The following TLE6 variants were observed in gnomAD, a reference collection of about 807,000 sequenced individuals.
The protein encoded by TLE6 is transducin-like enhancer protein 6.
TLE6 carries 72 observed loss-of-function variants against 77.1 expected under a neutral mutation model. That is an observed-to-expected ratio of 0.93 (90% CI 0.77 to 1.14). The LOEUF is 1.14. Ranked by LOEUF, TLE6 falls within the 50% of genes most tolerant of loss-of-function variation. The pLI is 0.00. For missense variants in TLE6, 843 were observed against 747.6 expected (o/e 1.13, Z -1.49); for synonymous variants, 366 against 287.3 (o/e 1.27, Z -2.77).
rs1233284629 is a variant in TLE6 at position 2,985,575 on chromosome 19, A to ATT, written c.223-1238_223-1237dup. Among the ~76,000 whole-genome samples the ATT allele has an allele frequency of 2.8e-3, 347 of 125,346 alleles. 4 individuals are homozygous for ATT. The highest frequency in any genetic ancestry group is 8.6e-3 in the African/African-American group (297 of 34,416). 82.2% of individuals were successfully genotyped at this position (125,346 alleles called of 152,430 possible). ...AGGCACCTGCCACCATGCCTGGCTA[A>ATT]TTTTTTTTTTTTTTTTTGTATTTTT... On this transcript the variant is annotated intron_variant, in intron 5 of 16. Transcript: ENST00000246112.
chr19:2,993,470 G>A lies in TLE6; in HGVS notation c.1425G>A (p.Val475=), dbSNP rs1199361535. Residue 475 remains valine (V), a synonymous_variant, in exon 15 of 17, where the codon GTG becomes GTA. Coordinates refer to ENST00000246112, the MANE Select transcript of TLE6 (RefSeq NM_001143986.2). The stretch of plus-strand genomic sequence containing the variant: ...CCCACAGCCCCCAGGAGGACTGGGT[G>A]CTGCTGGGCATGGCCAATGGCCAGC... ...SLSHSPQEDW[V]LLGMANGQQW... is the part of the protein sequence containing the mutation. 6.2e-7 allele frequency: 1 copy of A among 1,603,790 alleles called. No individual in the cohort carries two copies.
chr19:2,980,510 C>T (rs923794787), intron 3 of TLE6: 5 of 179,392 alleles, frequency 2.8e-5, no homozygotes, highest in East Asian at 3.4e-4. Flanking sequence ...CGGAGGCGGG[C>T]GGATTGCTTG....
rs1383980772 is a variant in TLE6 at position 2,993,583 on chromosome 19, G to C, written c.1537+1G>C. ...CTGAGCGTCAAGTTCTCCCCCTTTG[G>C]TAAGCGGCTGGCGGAAGATGAGGGG... is the stretch of plus-strand genomic sequence containing the variant. On this transcript the variant is annotated splice_donor_variant, in intron 15 of 16. Coordinates refer to ENST00000246112, the MANE Select transcript of TLE6 (RefSeq NM_001143986.2). LOFTEE classifies it high-confidence loss of function. 6.4e-7 allele frequency: 1 copy of C among 1,551,050 alleles called. No homozygotes were observed. The highest frequency in any genetic ancestry group is 1.9e-5 in the Admixed American group (1 of 52,560).
At chr19:2,993,658 C>T in intron 15 of TLE6, 76 bp downstream of exon 15, 1 of 1,482,568 alleles carries the variant, frequency 6.7e-7, no homozygotes, top group South Asian at 1.4e-5. Context: ...AATGCCAGCT[C>T]CCCACCCAAC....
chr19:2,987,817 G>A (rs756938000), intron 9 of TLE6, 27 bp downstream of exon 9: 13 of 1,613,908 alleles, frequency 8.1e-6, no homozygotes, highest in South Asian at 2.2e-5. Flanking sequence ...GGGGCCGACC[G>A]ACTCCAGGCG....
At chr19:2,991,011 TAC>T (rs1362477957) in intron 13 of TLE6, among the ~76,000 whole-genome samples, 1 of 85,212 alleles carries the variant, frequency 1.2e-5, no homozygotes, top group East Asian at 2.1e-4. Flanking sequence ...AAATTTTACA[TAC>T]ATACATACAT....
Position 2,989,123 on chromosome 19 carries a change from CA to C in TLE6, c.806del (p.Lys269ArgfsTer46), listed in dbSNP as rs752098612. ...WKRPDALPGQSKRLAVPCKLE... is the reference protein window; with the variant it reads ...WKRPDALPGQXKRLAVPCKLE... ...AGGCCAGATGCCTTGCCCGGGCAGTCAAAGAGACTCGCCGTCCCGTGCAAAC... is the reference window on the plus strand; with the variant it reads ...AGGCCAGATGCCTTGCCCGGGCAGTCAAGAGACTCGCCGTCCCGTGCAAAC... On this transcript the variant is annotated frameshift_variant, in exon 12 of 17. Coordinates refer to ENST00000246112, the MANE Select transcript of TLE6 (RefSeq NM_001143986.2). LOFTEE classifies it high-confidence loss of function. 23 of 1,614,124 alleles carry C rather than the reference CA, an allele frequency of 1.4e-5. No individual in the cohort carries two copies. The South Asian group carries it at 2.0e-4, about 14-fold the overall frequency.
intron 2 of TLE6, among the ~76,000 whole-genome samples, chr19:2,979,784 C>G (rs2088757269): frequency 1.0e-5 from 1 of 99,512 alleles, no homozygotes; most frequent in Non-Finnish European, 1.9e-5. Flanking sequence ...ACTAAAAATA[C>G]AAAAATAAGC....
intron 14 of TLE6, among the ~76,000 whole-genome samples, chr19:2,992,798 GGGAGGCGGGT>G (rs1456624846): frequency 2.1e-3 from 133 of 64,090 alleles, no homozygotes; most frequent in South Asian, 3.5e-3. Flanking sequence ...AAAAAAGGGG[GGGAGGCGGGT>G]GGGGGGGGGG....
At chr19:2,992,779 C>CAAA (rs1187737901) in intron 14 of TLE6, among the ~76,000 whole-genome samples, 6 of 15,036 alleles carry the variant, frequency 4.0e-4, no homozygotes, top group African/African-American at 1.0e-3. Context: ...GACCCTGTCT[C>CAAA]AAAAAAAAAA....
intron 14 of TLE6, 58 bp from the exon 15 acceptor site, chr19:2,993,374 T>TCC (rs1056334861): frequency 6.5e-7 from 1 of 1,535,468 alleles, no homozygotes; most frequent in African/African-American, 1.4e-5. Flanking sequence ...TCCTGCCTGC[T>TCC]TCCTGGGCCA....
At chr19:2,987,498 C>A in intron 8 of TLE6, 126 bp downstream of exon 8, 1 of 1,416,528 alleles carries the variant, frequency 7.1e-7, no homozygotes, top group Non-Finnish European at 9.9e-7. Context: ...CTCGGGTCCC[C>A]CGGGGGGGAC....
In TLE6 at chr19:2,987,936, G is replaced by T; in HGVS notation, c.664G>T (p.Gly222Cys). The change falls in exon 10 of 17, where the codon GGT (glycine) becomes TGT (cysteine). Residue 222 changes from glycine (G) to cysteine (C), a missense_variant. Transcript: ENST00000246112. ...PPEASSSPPE[G>C]SQDRNTSWGV... Reference sequence around the variant, plus strand: ...TGAGGCCTCCTCCAGTCCCCCTGAGGGTTCCCAAGACAGGAACACAAGTTG... The same window carrying T: ...TGAGGCCTCCTCCAGTCCCCCTGAGTGTTCCCAAGACAGGAACACAAGTTG... 1 of 1,610,660 alleles carries T rather than the reference G, an allele frequency of 6.2e-7. No individual in the cohort carries two copies. The highest frequency in any genetic ancestry group is 8.5e-7 in the Non-Finnish European group (1 of 1,177,874).
At chr19:2,988,714 G>A (rs2088972809) in intron 11 of TLE6, among the ~76,000 whole-genome samples, 1 of 152,152 alleles carries the variant, frequency 6.6e-6, no homozygotes, top group Non-Finnish European at 1.5e-5. Flanking sequence ...ACTGGATGCA[G>A]ATTGTCCCAA....
At chr19:2,981,624 C>T in intron 4 of TLE6, 41 bp downstream of exon 4, 2 of 1,546,044 alleles carry the variant, frequency 1.3e-6, no homozygotes, top group Non-Finnish European at 1.8e-6. Flanking sequence ...GAGGGCCCCA[C>T]TGGGACAAGC....
In TLE6 at chr19:2,995,054, C is replaced by CTT; in HGVS notation, c.*51_*52dup. On this transcript the variant is annotated 3_prime_UTR_variant, in exon 17 of 17. Coordinates refer to ENST00000246112, the MANE Select transcript of TLE6 (RefSeq NM_001143986.2). ...TCCGGCTCCTCTTTTCATCCCCCCC[C>CTT]TTCCCCCCCCCCAACAAGGGGGACA... 1 of 1,051,834 alleles carries CTT rather than the reference C, an allele frequency of 9.5e-7. No individual in the cohort carries two copies. The allele number at this position is 1,051,834 out of a possible 1,614,324, so 65.2% of individuals were successfully genotyped here.
intron 5 of TLE6, among the ~76,000 whole-genome samples, chr19:2,984,642 G>T (rs369053228): frequency 9.5e-4 from 144 of 151,862 alleles, no homozygotes; most frequent in African/African-American, 3.3e-3. Flanking sequence ...TAACTTTTAT[G>T]TTTTTAGTAG....
At chr19:2,980,412 G>T in intron 3 of TLE6, 1 of 368,554 alleles carries the variant, frequency 2.7e-6, no homozygotes, top group Middle Eastern at 8.2e-4. Flanking sequence ...GTTCGACATG[G>T]ATTTGTTGGC....
In TLE6 at chr19:2,978,325, C is replaced by G. The variant is rs1027658687; in HGVS notation, c.51+41C>G. On this transcript the variant is annotated intron_variant, in intron 2 of 16. Coordinates refer to ENST00000246112, the MANE Select transcript of TLE6 (RefSeq NM_001143986.2). ...GGTGGGATCAGCCCTCAAGGGAAAC[C>G]CGGGCCCAATGTGGTTCTGCCCCTT... 1.5e-5 allele frequency: 23 copies of G among 1,548,408 alleles called. No individual in the cohort carries two copies. The African/African-American group carries it at 2.7e-4, about 18-fold the overall frequency.
Sources: gnomAD v4.1 joint callset for allele counts (sites outside exome capture counted in the v4.1 genomes callset) on GRCh38, gnomAD v4.1.1 for gene constraint, MANE v1.5 for transcripts, NCBI Gene and HGNC (gene_info 2026-07-23, HGNC 2026-07-21) for gene names.